The following ESR1 variants were observed in gnomAD, a reference collection of about 807,000 sequenced individuals.
The protein encoded by ESR1 is estrogen receptor 1.
Under a neutral mutation model 52.7 loss-of-function variants are expected in ESR1, and 12 were observed. The observed-to-expected ratio is 0.23, with a 90% CI of 0.15 to 0.37. The LOEUF is 0.37. ESR1 is among the 10% of genes least tolerant of loss of function. The pLI is 1.00. For missense variants in ESR1, 584 were observed against 779.7 expected, an observed-to-expected ratio of 0.75 and a Z score of 2.99; for synonymous variants, 305 against 316.8, an observed-to-expected ratio of 0.96 and a Z score of 0.39.
chr6:151,716,968 A>G (rs1781091314), intron 2 of ESR1, among the ~76,000 whole-genome samples: 1 of 152,142 alleles, frequency 6.6e-6, no homozygotes. Context: ...AGGCATAGGC[A>G]CCCAAGGGAG....
intron 2 of ESR1, among the ~76,000 whole-genome samples, chr6:151,775,257 T>C (rs1442280481): frequency 6.6e-6 from 1 of 151,318 alleles, no homozygotes; most frequent in African/African-American, 2.5e-5. Context: ...GACCAGATTG[T>C]TTTGGCTTTG....
chr6:151,948,645 C>G (rs1342312329), intron 4 of ESR1, among the ~76,000 whole-genome samples: 1 of 152,170 alleles, frequency 6.6e-6, no homozygotes, highest in African/African-American at 2.4e-5. Flanking sequence ...TCTAGAAGGC[C>G]CCTCTTCCTC....
intron 2 of ESR1, among the ~76,000 whole-genome samples, chr6:151,703,568 G>GC (rs1779954606): frequency 6.6e-6 from 1 of 152,160 alleles, no homozygotes; most frequent in East Asian, 1.9e-4. Context: ...CAAGTGGAAG[G>GC]CGCCTGTAGC....
chr6:151,800,747 T>C (rs557696934), upstream of ESR1, among the ~76,000 whole-genome samples: 1 of 152,180 alleles, frequency 6.6e-6, no homozygotes, highest in Non-Finnish European at 1.5e-5. Context: ...ATACAGCTAA[T>C]CAATATTTTT....
intron 3 of ESR1, among the ~76,000 whole-genome samples, chr6:151,889,310 G>T (rs1158322681): frequency 1.3e-5 from 2 of 152,102 alleles, no homozygotes; most frequent in African/African-American, 4.8e-5. Flanking sequence ...CTTCCATAGA[G>T]GACTTTTTAT....
chr6:151,704,320 C>T (rs937651120), intron 2 of ESR1, among the ~76,000 whole-genome samples: 3 of 152,202 alleles, frequency 2.0e-5, no homozygotes, highest in Admixed American at 6.5e-5. Flanking sequence ...TCACTGCAAC[C>T]TCTGCCTCCC....
rs541585472 is a variant in ESR1 at position 152,098,816 on chromosome 6, C to T, written c.1638C>T (p.Ala546=). Residue 546 remains alanine (A), a synonymous_variant, in exon 8 of 8, where the codon GCC becomes GCT. Coordinates refer to ENST00000206249, the MANE Select transcript of ESR1 (RefSeq NM_000125.4). The surrounding 1 kb of genome is among the most constrained non-coding windows in gnomAD (Gnocchi z 5.1). The part of the protein sequence containing the change: ...LYDLLLEMLD[A]HRLHAPTSRG... ...ACCTGCTGCTGGAGATGCTGGACGC[C>T]CACCGCCTACATGCGCCCACTAGCC... The T allele has an allele frequency of 1.4e-4, 225 of 1,614,196 alleles. 3 individuals carry two copies. In the South Asian group the frequency reaches 2.0e-3, roughly 14 times the overall value.
chr6:151,943,205 C>G lies in ESR1; in HGVS notation c.761-968C>G, dbSNP rs2035287808. On this transcript the variant is annotated intron_variant, in intron 3 of 7. Transcript: ENST00000206249. ...ACCATCCTGGCTAACACGGCGAAAC[C>G]CCGTCTCTACTAAAAATACAAAAAA... Among the ~76,000 whole-genome samples, 3 of 151,866 alleles carry G rather than the reference C, an allele frequency of 2.0e-5. 1 individual carries two copies. The South Asian group carries it at 6.2e-4, about 32-fold the overall frequency.
At chr6:152,006,515 T>A (rs1355432222) in intron 4 of ESR1, among the ~76,000 whole-genome samples, 5 of 152,016 alleles carry the variant, frequency 3.3e-5, no homozygotes, top group Non-Finnish European at 7.4e-5. Context: ...GACTGCTTGG[T>A]ATTTACACAG....
At chr6:151,791,881 C>T (rs1776193528) in intron 2 of ESR1, among the ~76,000 whole-genome samples, 1 of 152,186 alleles carries the variant, frequency 6.6e-6, no homozygotes, top group Non-Finnish European at 1.5e-5. Flanking sequence ...ACAACAAATT[C>T]AAATAATCTT....
intron 2 of ESR1, among the ~76,000 whole-genome samples, chr6:151,870,479 T>C (rs1790747394): frequency 6.6e-6 from 1 of 152,242 alleles, no homozygotes; most frequent in Non-Finnish European, 1.5e-5. Flanking sequence ...ATCGTCAAGT[T>C]CTTTTTATTT....
rs868548345 is a variant in ESR1, at chr6:151,890,814, T to C, written c.760+10043T>C. 5.3e-5 allele frequency among the ~76,000 whole-genome samples: 8 copies of C among 152,344 alleles called. No individual in the cohort carries two copies. The Middle Eastern group carries it at 0.01, about 194-fold the overall frequency. ...TATAAATATAGCTGTCTCTGCTTTC[T>C]TTTGGCTTCTATTTTCATAGAATGC... On this transcript the variant is annotated intron_variant, in intron 3 of 7. Coordinates refer to ENST00000206249, the MANE Select transcript of ESR1 (RefSeq NM_000125.4).
At chr6:151,697,011 G>C (rs1779399491) in intron 1 of ESR1, among the ~76,000 whole-genome samples, 1 of 152,188 alleles carries the variant, frequency 6.6e-6, no homozygotes, top group Non-Finnish European at 1.5e-5. Context: ...ACATAGTTAA[G>C]AAAAGTGCAA....
At chr6:151,731,926 A>G (rs1266111813) in intron 2 of ESR1, among the ~76,000 whole-genome samples, 1 of 152,154 alleles carries the variant, frequency 6.6e-6, no homozygotes, top group East Asian at 1.9e-4. Flanking sequence ...CCATAATGAT[A>G]TGGGTCCACT....
In ESR1 at chr6:152,098,699, A is replaced by G. The variant is rs2152505954; in HGVS notation, c.1554-33A>G. ...CACTCCTGGGGCTCGGGTTGGCTCTAAAGTAGTCCTTTCTGTGTCTTCCCA... is the reference window on the plus strand; with the variant it reads ...CACTCCTGGGGCTCGGGTTGGCTCTGAAGTAGTCCTTTCTGTGTCTTCCCA... On this transcript the variant is annotated intron_variant, in intron 7 of 7. Transcript: ENST00000206249. The surrounding 1 kb of genome is among the most constrained non-coding windows in gnomAD (Gnocchi z 5.1). 6 of 1,585,874 alleles carry G rather than the reference A, an allele frequency of 3.8e-6. No individual in the cohort carries two copies. Among genetic ancestry groups the G allele is most frequent in the Non-Finnish European group, 8.7e-7 (1 of 1,155,866 alleles).
intron 2 of ESR1, among the ~76,000 whole-genome samples, chr6:151,716,226 C>T (rs1781022352): frequency 6.6e-6 from 1 of 152,132 alleles, no homozygotes; most frequent in Non-Finnish European, 1.5e-5. Context: ...GGGGCACCCA[C>T]CAGATGCCAG....
chr6:151,687,343 C>CCTCAAT (rs1778729990), upstream of ESR1, among the ~76,000 whole-genome samples: 1 of 152,134 alleles, frequency 6.6e-6, no homozygotes, highest in South Asian at 2.1e-4. Flanking sequence ...ATTGATATCT[C>CCTCAAT]CAGGTAAGCA....
chr6:151,915,138 T>C (rs1584194614), intron 3 of ESR1, among the ~76,000 whole-genome samples: 1 of 151,198 alleles, frequency 6.6e-6, no homozygotes, highest in Non-Finnish European at 1.5e-5. Context: ...GAGGTTGCAG[T>C]GAGCCGAGAT....
intron 2 of ESR1, among the ~76,000 whole-genome samples, chr6:151,871,357 A>G (rs1221362977): frequency 6.6e-6 from 1 of 152,052 alleles, no homozygotes; most frequent in Non-Finnish European, 1.5e-5. Flanking sequence ...TTTTTGTGCA[A>G]CCGGAACTTT....
Sources: gnomAD v4.1 joint callset for allele counts (sites outside exome capture counted in the v4.1 genomes callset) on GRCh38, gnomAD v4.1.1 for gene constraint, Gnocchi (gnomAD v3.1) non-coding constraint, MANE v1.5 for transcripts, NCBI Gene and HGNC (gene_info 2026-07-23, HGNC 2026-07-21) for gene names.